MBNL2: variants seen among roughly 807,000 people sequenced by gnomAD.
MBNL2 encodes muscleblind like splicing regulator 2.
Under a neutral mutation model 41.9 loss-of-function variants are expected in MBNL2, and 17 were observed. That is an observed-to-expected ratio of 0.41 (90% CI 0.28 to 0.61). MBNL2 has a LOEUF of 0.61. Ranked by LOEUF, MBNL2 falls within the 20% of genes least tolerant of loss-of-function variation. The pLI, the probability that MBNL2 is intolerant of heterozygous loss-of-function variation, is 0.35. For synonymous variants in MBNL2, 195 were observed against 182.9 expected, an observed-to-expected ratio of 1.07 and a Z score of -0.53; for missense variants, 336 against 505.6, an observed-to-expected ratio of 0.66 and a Z score of 3.22.
intron 2 of MBNL2, among the ~76,000 whole-genome samples, chr13:97,331,354 GT>G (rs1352544773): frequency 6.6e-6 from 1 of 152,208 alleles, no homozygotes; most frequent in Non-Finnish European, 1.5e-5. Flanking sequence ...GTCGAGCCAA[GT>G]TATGAGACCA....
At chr13:97,327,679 A>G (rs996548598) in intron 2 of MBNL2, among the ~76,000 whole-genome samples, 6 of 152,110 alleles carry the variant, frequency 3.9e-5, no homozygotes, top group Admixed American at 2.0e-4. Context: ...AAGTCATGCC[A>G]TGTTGATTAG....
the MBNL2 span, among the ~76,000 whole-genome samples, chr13:97,150,870 C>A: frequency 6.6e-6 from 1 of 152,136 alleles, no homozygotes; most frequent in African/African-American, 2.4e-5. Flanking sequence ...GCCCAGGGCC[C>A]AGGGAAGTCA....
At chr13:97,369,701 G>T (rs1048043008) in intron 8 of MBNL2, among the ~76,000 whole-genome samples, 4 of 152,142 alleles carry the variant, frequency 2.6e-5, no homozygotes, top group African/African-American at 9.7e-5. Flanking sequence ...TACCCCACGG[G>T]GAGCCAAGCT....
At chr13:97,213,418 T>A in the MBNL2 span, among the ~76,000 whole-genome samples, 2 of 152,040 alleles carry the variant, frequency 1.3e-5, no homozygotes, top group African/African-American at 4.8e-5. Flanking sequence ...TCTGGTAAAA[T>A]TAATTCTCAG....
chr13:97,149,997 G>A, the MBNL2 span, among the ~76,000 whole-genome samples: 3 of 152,210 alleles, frequency 2.0e-5, no homozygotes, highest in South Asian at 2.1e-4. Flanking sequence ...AACTTAGAAC[G>A]GGTTTTCCAA....
At chr13:97,391,212 T>C (rs1330108216) in intron 8 of MBNL2, 110 bp from the exon 9 acceptor site, 1 of 636,336 alleles carries the variant, frequency 1.6e-6, no homozygotes, top group Admixed American at 2.7e-5. Flanking sequence ...TAATGAGAGA[T>C]TGAAGAAAAC....
chr13:97,372,039 CA>C (rs2064435079), intron 8 of MBNL2, among the ~76,000 whole-genome samples: 1 of 152,204 alleles, frequency 6.6e-6, no homozygotes, highest in Non-Finnish European at 1.5e-5. Context: ...AGAGTCCCCT[CA>C]GGTGTAGAGT....
At chr13:97,235,545 G>A (rs894983303) in intron 1 of MBNL2, among the ~76,000 whole-genome samples, 11 of 151,590 alleles carry the variant, frequency 7.3e-5, no homozygotes, top group African/African-American at 2.4e-4. Flanking sequence ...GTACATGTTA[G>A]GTCTTGAGTT....
chr13:97,370,078 A>G (rs1017658927), intron 8 of MBNL2, among the ~76,000 whole-genome samples: 1 of 152,162 alleles, frequency 6.6e-6, no homozygotes, highest in Admixed American at 6.5e-5. Context: ...AAGACAGGAT[A>G]GTTACGTATA....
At chr13:97,199,574 C>A in the MBNL2 span, among the ~76,000 whole-genome samples, 3 of 152,316 alleles carry the variant, frequency 2.0e-5, no homozygotes, top group East Asian at 5.8e-4. Flanking sequence ...CTATACAAGA[C>A]ATTTAAAAAA....
intron 8 of MBNL2, among the ~76,000 whole-genome samples, chr13:97,376,428 C>T (rs2064972823): frequency 6.6e-6 from 1 of 152,200 alleles, no homozygotes; most frequent in Non-Finnish European, 1.5e-5. Context: ...CATTTTCTAA[C>T]ACCAGTTTAT....
chr13:97,250,382 T>C (rs1222451602), intron 1 of MBNL2, among the ~76,000 whole-genome samples: 1 of 152,212 alleles, frequency 6.6e-6, no homozygotes, highest in Non-Finnish European at 1.5e-5. Flanking sequence ...CAACTGCCAC[T>C]TTTATTTCGG....
rs1370836086 is a variant in MBNL2 at position 97,366,932 on chromosome 13, C to T, written c.1048+1761C>T. 6.6e-6 allele frequency among the ~76,000 whole-genome samples: 1 copy of T among 152,002 alleles called. No homozygotes were observed. The highest frequency in any genetic ancestry group is 2.4e-5 in the African/African-American group (1 of 41,376). ...ATATTTTAATTCGGTTCATTCAGAC[C>T]CTATCATCTGTGTGGAGGAAAAAAA... is the stretch of plus-strand genomic sequence containing the variant. On this transcript the variant is annotated intron_variant, in intron 8 of 8. Coordinates refer to ENST00000679496, the MANE Select transcript of MBNL2 (RefSeq NM_001382683.1). The surrounding 1 kb of genome is among the most constrained non-coding windows in gnomAD (Gnocchi z 4.7).
intron 2 of MBNL2, among the ~76,000 whole-genome samples, chr13:97,319,693 A>G (rs550473335): frequency 1.3e-5 from 2 of 152,348 alleles, no homozygotes; most frequent in South Asian, 4.1e-4. Flanking sequence ...AATATCAAGG[A>G]TGATTTTTAT....
chr13:97,343,152 G>C lies in MBNL2; in HGVS notation c.476G>C (p.Ser159Thr). Residue 159 changes from serine to threonine, a missense_variant, in exon 4 of 9, where the codon AGT (serine) becomes ACT (threonine). By Grantham distance (58) the Ser-to-Thr change is moderately conservative (BLOSUM62 1). Coordinates refer to ENST00000679496, the MANE Select transcript of MBNL2 (RefSeq NM_001382683.1). ...ACCACGCCTGTTATTGTTCCCGGAA[G>C]TCCACCGGTCACTGTCCCGGGCTCA... The part of the protein sequence containing the change: ...LPTTPVIVPG[S>T]PPVTVPGSTA... 6.2e-7 allele frequency: 1 copy of C among 1,613,988 alleles called. No homozygotes were observed. The highest frequency in any genetic ancestry group is 8.5e-7 in the Non-Finnish European group (1 of 1,179,956).
At chr13:97,247,484 G>A (rs972350471) in intron 1 of MBNL2, among the ~76,000 whole-genome samples, 1 of 152,144 alleles carries the variant, frequency 6.6e-6, no homozygotes, top group South Asian at 2.1e-4. Flanking sequence ...CATGAACCCC[G>A]ACATAGGTCT....
At chr13:97,191,531 G>T in the MBNL2 span, among the ~76,000 whole-genome samples, 1 of 151,888 alleles carries the variant, frequency 6.6e-6, no homozygotes, top group African/African-American at 2.4e-5. Context: ...GTTGTGTGAG[G>T]TTATTAACAC....
intron 2 of MBNL2, among the ~76,000 whole-genome samples, chr13:97,328,592 A>C (rs1304838819): frequency 2.0e-5 from 3 of 152,234 alleles, no homozygotes; most frequent in Non-Finnish European, 4.4e-5. Flanking sequence ...GTTTTCCCCA[A>C]GAAAAGTGTT....
At chr13:97,168,260 G>A in the MBNL2 span, among the ~76,000 whole-genome samples, 2 of 152,086 alleles carry the variant, frequency 1.3e-5, no homozygotes, top group Admixed American at 1.3e-4. Context: ...CACCATGCCC[G>A]GCCTTGCGTA....
Sources: gnomAD v4.1 joint callset for allele counts (sites outside exome capture counted in the v4.1 genomes callset) on GRCh38, gnomAD v4.1.1 for gene constraint, Gnocchi (gnomAD v3.1) non-coding constraint, MANE v1.5 for transcripts, NCBI Gene and HGNC (gene_info 2026-07-23, HGNC 2026-07-21) for gene names.